The following DIPK1A variants were observed in gnomAD, a reference collection of about 807,000 sequenced individuals.
The protein encoded by DIPK1A is divergent protein kinase domain 1A, also known as family with sequence similarity 69 member A.
DIPK1A carries 27 observed loss-of-function variants against 40.8 expected under a neutral mutation model. That is an observed-to-expected ratio of 0.66 (90% CI 0.49 to 0.91). DIPK1A has a LOEUF of 0.91. Ranked by LOEUF, DIPK1A falls within the 40% of genes least tolerant of loss-of-function variation. The pLI is 0.00. For synonymous variants in DIPK1A, 166 were observed against 171.3 expected, an observed-to-expected ratio of 0.97 and a Z score of 0.24; for missense variants, 412 against 505.7, an observed-to-expected ratio of 0.81 and a Z score of 1.78.
chr1:92,932,040 T>C, intron 1 of DIPK1A: 1 of 537,124 alleles, frequency 1.9e-6, no homozygotes, highest in Non-Finnish European at 3.4e-6. Context: ...TTGAAGAAAA[T>C]AAAATTGATA....
chr1:92,845,884 ACTTG>A (rs1239571977), intron 4 of DIPK1A, among the ~76,000 whole-genome samples: 1 of 151,528 alleles, frequency 6.6e-6, no homozygotes, highest in Non-Finnish European at 1.5e-5. Flanking sequence ...GATCCCAGCT[ACTTG>A]GGGGGCTGAG....
At chr1:92,892,034 C>T (rs1014153131) in intron 1 of DIPK1A, among the ~76,000 whole-genome samples, 7 of 152,158 alleles carry the variant, frequency 4.6e-5, no homozygotes, top group African/African-American at 1.2e-4. Flanking sequence ...TGGAGCCCAC[C>T]GCAGCTCAAG....
At chr1:92,868,216 G>C (rs1049617320) in intron 2 of DIPK1A, among the ~76,000 whole-genome samples, 14 of 152,184 alleles carry the variant, frequency 9.2e-5, no homozygotes, top group Non-Finnish European at 1.8e-4. Context: ...AGTGAGGCTG[G>C]GGCTTTCACT....
At chr1:92,849,348 G>GTTT (rs71586765) in intron 3 of DIPK1A, among the ~76,000 whole-genome samples, 1 of 144,374 alleles carries the variant, frequency 6.9e-6, no homozygotes, top group Non-Finnish European at 1.5e-5. Flanking sequence ...GTTTTTTTTT[G>GTTT]TTTTTTTTTT....
intron 4 of DIPK1A, 43 bp from the exon 5 acceptor site, chr1:92,844,238 C>A: frequency 2.4e-6 from 3 of 1,233,476 alleles, no homozygotes; most frequent in Non-Finnish European, 3.4e-6. Flanking sequence ...ATGAAAAATA[C>A]CTCCCATGCA....
intron 1 of DIPK1A, among the ~76,000 whole-genome samples, chr1:92,898,684 T>C (rs1649286104): frequency 6.6e-6 from 1 of 152,202 alleles, no homozygotes; most frequent in Non-Finnish European, 1.5e-5. Flanking sequence ...GGTCTTGTTT[T>C]GTTGCCCAGG....
chr1:92,842,068 CT>C, downstream of DIPK1A: 1 of 797,566 alleles, frequency 1.3e-6, no homozygotes, highest in Non-Finnish European at 1.8e-6. Flanking sequence ...ATTTCTTGGG[CT>C]TCTGTTTTAC....
At chr1:92,856,262 T>A (rs1687983289) in intron 2 of DIPK1A, among the ~76,000 whole-genome samples, 2 of 152,026 alleles carry the variant, frequency 1.3e-5, no homozygotes. Context: ...ACAATTTTTC[T>A]AGAAAAATAT....
At chr1:92,846,819 ATATATATATATATATATATATATG>A (rs1687627599) in intron 4 of DIPK1A, among the ~76,000 whole-genome samples, 2 of 3,960 alleles carry the variant, frequency 5.1e-4, no homozygotes, top group African/African-American at 3.1e-3. Flanking sequence ...ATATATATAT[ATATATATATATATATATATATATG>A]TGTGTATATA....
intron 1 of DIPK1A, among the ~76,000 whole-genome samples, chr1:92,901,172 G>T (rs1334866118): frequency 1.3e-5 from 2 of 151,996 alleles, no homozygotes; most frequent in African/African-American, 4.8e-5. Flanking sequence ...AATGTCCTCA[G>T]TATCAAGGGC....
rs145018666 is a variant in DIPK1A, at chr1:92,866,327, C to A, written c.189+9969G>T. Among the ~76,000 whole-genome samples, 725 of 152,302 alleles carry A rather than the reference C, an allele frequency of 4.8e-3. 4 individuals carry two copies. The highest frequency in any genetic ancestry group is 0.017 in the African/African-American group (701 of 41,548). On this transcript the variant is annotated intron_variant, in intron 2 of 4. Transcript: ENST00000370310. ...ATGTTGGCCAGGATGGTCTCAAACTCCTGACCTCAGGTGATCCACCCGCCT... is the reference window on the plus strand; with the variant it reads ...ATGTTGGCCAGGATGGTCTCAAACTACTGACCTCAGGTGATCCACCCGCCT...
chr1:92,844,721 G>A (rs918024725), intron 4 of DIPK1A, among the ~76,000 whole-genome samples: 7 of 152,054 alleles, frequency 4.6e-5, no homozygotes, highest in African/African-American at 1.7e-4. Flanking sequence ...GAGCCAGCAT[G>A]CCTGGCCTAA....
In DIPK1A at chr1:92,842,837, C is replaced by A. The variant is rs1687431129; in HGVS notation, c.*546G>T. ...TGTGAAGCTACACATAACTTGATGT[C>A]TGAATGAGGTTAAAAATGGGTGTAT... On this transcript the variant is annotated 3_prime_UTR_variant, in exon 5 of 5. Coordinates refer to ENST00000370310, the MANE Select transcript of DIPK1A (RefSeq NM_001006605.5). 2 of 985,340 alleles carry A rather than the reference C, an allele frequency of 2.0e-6. No individual in the cohort carries two copies. Among genetic ancestry groups the A allele is most frequent in the South Asian group, 4.7e-5 (1 of 21,292 alleles). The allele number at this position is 985,340 out of a possible 1,614,324, so 61.0% of individuals were successfully genotyped here.
downstream of DIPK1A, chr1:92,840,705 C>A: frequency 8.6e-7 from 1 of 1,158,702 alleles, no homozygotes; most frequent in Non-Finnish European, 1.3e-6. Flanking sequence ...GTGGGGCAGA[C>A]TGTTGGTGTA....
chr1:92,902,651 G>A (rs1649466659), intron 1 of DIPK1A, among the ~76,000 whole-genome samples: 1 of 152,126 alleles, frequency 6.6e-6, no homozygotes, highest in Admixed American at 6.5e-5. Context: ...TGTTGATAGG[G>A]GTTGCTAAGA....
chr1:92,897,885 G>A (rs550873431), intron 1 of DIPK1A, among the ~76,000 whole-genome samples: 1 of 152,190 alleles, frequency 6.6e-6, no homozygotes, highest in Admixed American at 6.5e-5. Flanking sequence ...GATCGCTTGA[G>A]GTCAGGAGTT....
At chr1:92,836,365 T>C (rs957088087) in intron 4 of DIPK1A, 2 of 1,614,190 alleles carry the variant, frequency 1.2e-6, no homozygotes, top group Non-Finnish European at 1.7e-6. Context: ...AAGGGAGCTG[T>C]GGATGGAGGC....
intron 1 of DIPK1A, among the ~76,000 whole-genome samples, chr1:92,894,282 A>G: frequency 6.6e-6 from 1 of 152,110 alleles, no homozygotes; most frequent in Non-Finnish European, 1.5e-5. Context: ...ATGGAAAACA[A>G]CAGAAATTAT....
At chr1:92,890,584 T>C (rs1473306871) in intron 1 of DIPK1A, among the ~76,000 whole-genome samples, 6 of 152,234 alleles carry the variant, frequency 3.9e-5, no homozygotes, top group African/African-American at 1.4e-4. Flanking sequence ...ATAAGGTTTT[T>C]GTCTTTGGTT....
Sources: gnomAD v4.1 joint callset for allele counts (sites outside exome capture counted in the v4.1 genomes callset) on GRCh38, gnomAD v4.1.1 for gene constraint, MANE v1.5 for transcripts, NCBI Gene and HGNC (gene_info 2026-07-23, HGNC 2026-07-21) for gene names.